Variants in DLST observed in about 807,000 individuals in gnomAD.
DLST encodes the protein dihydrolipoyllysine-residue succinyltransferase component of 2-oxoglutarate dehydrogenase complex, mitochondrial.
A neutral mutation model predicts 53.1 loss-of-function variants in DLST; 17 were observed. The observed-to-expected ratio is 0.32, with a 90% confidence interval of 0.22 to 0.48. The LOEUF (loss-of-function observed/expected upper bound fraction) is 0.48. Ranked by LOEUF, DLST falls within the 20% of genes least tolerant of loss-of-function variation. The pLI, the probability that DLST is intolerant of heterozygous loss-of-function variation, is 0.99. For missense variants in DLST, 512 were observed against 583.9 expected (o/e 0.88, Z 1.27); for synonymous variants, 206 against 204.8 (o/e 1.01, Z -0.05).
intron 12 of DLST, 70 bp downstream of exon 12, chr14:74,900,066 C>A: frequency 1.5e-6 from 2 of 1,292,010 alleles, no homozygotes; most frequent in Non-Finnish European, 1.1e-6. Flanking sequence ...GGAGATCACA[C>A]AAGAGAAATC....
intron 2 of DLST, 22 bp downstream of exon 2, chr14:74,882,646 A>G: frequency 6.2e-7 from 1 of 1,612,848 alleles, no homozygotes; most frequent in Non-Finnish European, 8.5e-7. Flanking sequence ...CCTTACCGTC[A>G]CCTAAAATGC....
At chr14:74,900,105 GAGTT>G in intron 12 of DLST, 109 bp downstream of exon 12, 1 of 1,169,354 alleles carries the variant, frequency 8.6e-7, no homozygotes, top group Non-Finnish European at 1.2e-6. Context: ...TTTTAGAAGG[GAGTT>G]AGTAAAAGTA....
Position 74,889,356 on chromosome 14 carries a change from T to C in DLST, c.274+7T>C, listed in dbSNP as rs779098424. 9.4e-6 allele frequency: 15 copies of C among 1,587,870 alleles called. No individual in the cohort carries two copies. The highest frequency in any genetic ancestry group is 1.3e-5 in the Non-Finnish European group (15 of 1,170,144). ...GATGTCAGGTGGGAGAAAGGTAAGATTTAGTTTCCTATTTTTTTTTTTTTT... is the reference window on the plus strand; with the variant it reads ...GATGTCAGGTGGGAGAAAGGTAAGACTTAGTTTCCTATTTTTTTTTTTTTT... On this transcript the variant is annotated splice_region_variant and intron_variant, in intron 5 of 14. Coordinates refer to ENST00000334220, the MANE Select transcript of DLST (RefSeq NM_001933.5).
At chr14:74,899,737 T>TA (rs1373104088) in intron 11 of DLST, among the ~76,000 whole-genome samples, 186 bp from the exon 12 acceptor site, 1 of 152,170 alleles carries the variant, frequency 6.6e-6, no homozygotes, top group Non-Finnish European at 1.5e-5. Context: ...ACTTGGGAGA[T>TA]ACTATACTTG....
At chr14:74,889,190 C>G (rs975022349) in intron 4 of DLST, 43 bp downstream of exon 4, 1 of 1,609,836 alleles carries the variant, frequency 6.2e-7, no homozygotes, top group Non-Finnish European at 8.5e-7. Flanking sequence ...ATGGGAAGAG[C>G]AACAATTGAT....
At chr14:74,889,247 A>G in intron 4 of DLST, 28 bp from the exon 5 acceptor site, 1 of 1,609,534 alleles carries the variant, frequency 6.2e-7, no homozygotes, top group South Asian at 1.1e-5. Flanking sequence ...TGAACTACTT[A>G]TGATTTTCTT....
chr14:74,894,798 C>T (rs534438578), intron 10 of DLST, among the ~76,000 whole-genome samples: 35 of 152,152 alleles, frequency 2.3e-4, no homozygotes, highest in Non-Finnish European at 4.1e-4. Context: ...CTGCCCTTCT[C>T]GGCCTCCCAA....
rs1057447346 is a variant in DLST at position 74,900,065 on chromosome 14, A to G, written c.975+69A>G. On this transcript the variant is annotated intron_variant, in intron 12 of 14. Coordinates refer to ENST00000334220, the MANE Select transcript of DLST (RefSeq NM_001933.5). ...ACCTTATCTGTGTGAAGGAGATCAC[A>G]CAAGAGAAATCATTTCTTTAATTCT... The G allele has an allele frequency of 2.2e-4, 295 of 1,312,890 alleles. 1 individual carries two copies. The highest frequency in any genetic ancestry group is 8.3e-4 in the Middle Eastern group (4 of 4,802). 81.3% of individuals were successfully genotyped at this position (1,312,890 alleles called of 1,614,324 possible).
intron 10 of DLST, among the ~76,000 whole-genome samples, chr14:74,895,260 A>G (rs1884041580): frequency 6.6e-6 from 1 of 152,198 alleles, no homozygotes; most frequent in Non-Finnish European, 1.5e-5. Flanking sequence ...ATGGAAAACA[A>G]GTTGTGTTTT....
chr14:74,890,963 C>G (rs1883883783), intron 6 of DLST, 93 bp from the exon 7 acceptor site: 7 of 1,491,884 alleles, frequency 4.7e-6, no homozygotes, highest in Non-Finnish European at 6.3e-6. Flanking sequence ...CAGGCATGAG[C>G]CACTGTGCCT....
intron 2 of DLST, among the ~76,000 whole-genome samples, chr14:74,884,175 C>A (rs1883625855): frequency 6.6e-6 from 1 of 152,190 alleles, no homozygotes; most frequent in Non-Finnish European, 1.5e-5. Context: ...CAGGAAAGGA[C>A]TTGACCAGTG....
At position 74,886,601 on chromosome 14, in the gene DLST, A is replaced by G. The variant is rs771622164; in HGVS notation, c.146+967A>G. Among the ~76,000 whole-genome samples, 13 of 152,198 alleles carry G rather than the reference A, an allele frequency of 8.5e-5. No individual in the cohort carries two copies. In the South Asian group the frequency reaches 1.2e-3, roughly 15 times the overall value. On this transcript the variant is annotated intron_variant, in intron 3 of 14. Coordinates refer to ENST00000334220, the MANE Select transcript of DLST (RefSeq NM_001933.5). Reference sequence around the variant, plus strand: ...CACTTGCCTTAGCCTCCCAAAGTGGAGGATACAGGCGTGAGCTATGGTGCC... The same window carrying G: ...CACTTGCCTTAGCCTCCCAAAGTGGGGGATACAGGCGTGAGCTATGGTGCC...
chr14:74,895,572 A>G (rs1166359331), intron 10 of DLST, among the ~76,000 whole-genome samples: 1 of 152,138 alleles, frequency 6.6e-6, no homozygotes, highest in Non-Finnish European at 1.5e-5. Flanking sequence ...CCTGGGCAAC[A>G]TAGCAAGACT....
At chr14:74,900,046 T>C in intron 12 of DLST, 50 bp downstream of exon 12, 1 of 1,445,890 alleles carries the variant, frequency 6.9e-7, no homozygotes, top group Non-Finnish European at 9.7e-7. Context: ...CCTCACCTTA[T>C]CTGTGTGAAG....
At position 74,882,678 on chromosome 14, in the gene DLST, A is replaced by G. The variant is rs547058081; in HGVS notation, c.97+54A>G. 5.8e-6 allele frequency: 9 copies of G among 1,550,618 alleles called. No homozygotes were observed. The East Asian group carries it at 2.0e-4, about 35-fold the overall frequency. On this transcript the variant is annotated intron_variant, in intron 2 of 14. Coordinates refer to ENST00000334220, the MANE Select transcript of DLST (RefSeq NM_001933.5). Reference sequence around the variant, plus strand: ...ATGCTCTCCTCCTGGGCAGAGCAGTATGTGAGGAACTCGGGGGTGCCTGTG... The same window carrying G: ...ATGCTCTCCTCCTGGGCAGAGCAGTGTGTGAGGAACTCGGGGGTGCCTGTG...
chr14:74,893,668 T>C (rs1019288228), intron 9 of DLST, among the ~76,000 whole-genome samples: 2 of 152,202 alleles, frequency 1.3e-5, no homozygotes, highest in African/African-American at 4.8e-5. Context: ...GTGAAAGCCT[T>C]GGGTAAGTTA....
intron 2 of DLST, 37 bp from the exon 3 acceptor site, chr14:74,885,549 A>G (rs752192577): frequency 2.5e-6 from 4 of 1,608,866 alleles, no homozygotes; most frequent in Admixed American, 1.7e-5. Flanking sequence ...TTTGTGAGAT[A>G]AGAGTTGTTG....
chr14:74,883,321 G>C (rs1195684481), intron 2 of DLST, among the ~76,000 whole-genome samples: 3 of 151,414 alleles, frequency 2.0e-5, no homozygotes, highest in Non-Finnish European at 4.4e-5. Context: ...AAAAGTTATG[G>C]CTAGCAGAAT....
chr14:74,882,764 T>G (rs1883571553), intron 2 of DLST, 140 bp downstream of exon 2: 1 of 749,958 alleles, frequency 1.3e-6, no homozygotes, highest in East Asian at 2.6e-5. Context: ...TGCTACATAA[T>G]CACGAGCTAT....
Sources: gnomAD v4.1 joint callset for allele counts (sites outside exome capture counted in the v4.1 genomes callset) on GRCh38, gnomAD v4.1.1 for gene constraint, MANE v1.5 for transcripts, NCBI Gene and HGNC (gene_info 2026-07-23, HGNC 2026-07-21) for gene names.